Variants in DCDC2B observed in about 807,000 individuals in gnomAD.
The protein encoded by DCDC2B is doublecortin domain-containing protein 2B.
DCDC2B carries 41 observed loss-of-function variants against 38.9 expected under a neutral mutation model. The observed-to-expected ratio is 1.05, with a 90% CI of 0.82 to 1.37. The LOEUF is 1.37. DCDC2B is among the 40% of genes most tolerant of loss of function. The pLI is 0.00. For synonymous variants in DCDC2B, 181 were observed against 171.9 expected, an observed-to-expected ratio of 1.05 and a Z score of -0.41; for missense variants, 453 against 427.2, an observed-to-expected ratio of 1.06 and a Z score of -0.53.
At chr1:32,212,227 A>G (rs779652163) in intron 4 of DCDC2B, 26 bp downstream of exon 4, 6 of 1,604,962 alleles carry the variant, frequency 3.7e-6, no homozygotes, top group African/African-American at 1.3e-5. Flanking sequence ...GCGAGGGCCC[A>G]AAAGTCCCCA....
chr1:32,210,325 TAAAAAAAAAA>T (rs905848009), intron 1 of DCDC2B, among the ~76,000 whole-genome samples: 3 of 78,746 alleles, frequency 3.8e-5, no homozygotes, highest in Non-Finnish European at 7.6e-5. Context: ...AAACTCCATC[TAAAAAAAAAA>T]AAAAAAAAAA....
chr1:32,209,803 G>A (rs1643505318), intron 1 of DCDC2B, among the ~76,000 whole-genome samples: 1 of 152,162 alleles, frequency 6.6e-6, no homozygotes, highest in African/African-American at 2.4e-5. Context: ...CAGGGTGGGA[G>A]AAGAATTTGA....
At chr1:32,215,039 C>CA (rs1406621102) in intron 7 of DCDC2B, 107 bp downstream of exon 7, 56 of 1,346,698 alleles carry the variant, frequency 4.2e-5, no homozygotes, top group Non-Finnish European at 5.3e-5. Context: ...TGCTCAGACA[C>CA]AAAGCCGGCA....
intron 7 of DCDC2B, 199 bp downstream of exon 7, chr1:32,215,131 C>T: frequency 1.4e-6 from 1 of 721,788 alleles, no homozygotes; most frequent in Non-Finnish European, 2.2e-6. Context: ...AAAGCTGGTA[C>T]TGACCTCATC....
At position 32,214,948 on chromosome 1, in the gene DCDC2B, G is replaced by A; in HGVS notation, c.850+16G>A. 2.5e-6 allele frequency: 4 copies of A among 1,613,722 alleles called. No homozygotes were observed. Among genetic ancestry groups the A allele is most frequent in the South Asian group, 1.1e-5 (1 of 91,060 alleles). ...TTCCCATCAGGTGAGGGGTCCCTGG[G>A]GCTCAGGCCCTTCTCAGCTGCCCTT... On this transcript the variant is annotated intron_variant, in intron 7 of 8. Transcript: ENST00000409358.
At chr1:32,215,695 C>A in intron 8 of DCDC2B, 107 bp from the exon 9 acceptor site, 1 of 1,132,016 alleles carries the variant, frequency 8.8e-7, no homozygotes, top group Admixed American at 2.7e-5. Context: ...GGAAGCAGTT[C>A]CTAATTTCCA....
intron 6 of DCDC2B, chr1:32,214,493 T>G: frequency 2.8e-6 from 1 of 358,944 alleles, no homozygotes; most frequent in South Asian, 3.5e-5. Flanking sequence ...GGAACTTATA[T>G]TATCCAGCTC....
At chr1:32,212,414 C>T (rs1431147914) in intron 4 of DCDC2B, 76 bp from the exon 5 acceptor site, 3 of 1,583,980 alleles carry the variant, frequency 1.9e-6, no homozygotes, top group African/African-American at 1.3e-5. Flanking sequence ...AATAGCTGCA[C>T]CCACCCCTTC....
Position 32,215,809 on chromosome 1 carries a change from C to T in DCDC2B, c.962C>T (p.Ala321Val). Residue 321 changes from alanine (A) to valine (V), a missense_variant, in exon 9 of 9, where the codon GCA becomes GTA. Coordinates refer to ENST00000409358, the MANE Select transcript of DCDC2B (RefSeq NM_001099434.2). The part of the protein sequence containing the change: ...QTEEPLDQRA[A>V]QIVEEALSLE... ...GCCTTCCACCTCCTGCAGAGGGCAG[C>T]ACAGATAGTGGAAGAGGCCTTGTCC... 2 of 1,552,200 alleles carry T rather than the reference C, an allele frequency of 1.3e-6. No homozygotes were observed. The highest frequency in any genetic ancestry group is 1.7e-6 in the Non-Finnish European group (2 of 1,147,200).
chr1:32,213,379 C>T (rs1643666526), intron 6 of DCDC2B, among the ~76,000 whole-genome samples: 1 of 149,450 alleles, frequency 6.7e-6, no homozygotes. Flanking sequence ...TCTTGTTGCT[C>T]AGGCTGGAGT....
At position 32,212,150 on chromosome 1, in the gene DCDC2B, T is replaced by C. The variant is rs1300128248; in HGVS notation, c.476T>C (p.Val159Ala). Residue 159 changes from valine to alanine, a missense_variant, in exon 4 of 9, where the codon GTG becomes GCG. Coordinates refer to ENST00000409358, the MANE Select transcript of DCDC2B (RefSeq NM_001099434.2). ...SQAASQDWETVLKLLTEKVKL... is the reference protein window; with the variant it reads ...SQAASQDWETALKLLTEKVKL... ...GCTGCCAGCCAGGACTGGGAAACTG[T>C]GTTGAAGCTCCTGACTGAGAAGGTC... 1.2e-6 allele frequency: 2 copies of C among 1,613,722 alleles called. No homozygotes were observed. Among genetic ancestry groups the C allele is most frequent in the East Asian group, 2.2e-5 (1 of 44,870 alleles).
At position 32,212,489 on chromosome 1, in the gene DCDC2B, G is replaced by A; in HGVS notation, c.528-1G>A. On this transcript the variant is annotated splice_acceptor_variant, in intron 4 of 8. Coordinates refer to ENST00000409358, the MANE Select transcript of DCDC2B (RefSeq NM_001099434.2). LOFTEE classifies it high-confidence loss of function. ...TTATCCTCCTCACCTCTCTCTCCCAGACTCTGCACCCTAGAGGGGCTCCCA... is the reference window on the plus strand; with the variant it reads ...TTATCCTCCTCACCTCTCTCTCCCAAACTCTGCACCCTAGAGGGGCTCCCA... 1.2e-6 allele frequency: 2 copies of A among 1,613,908 alleles called. No homozygotes were observed. The highest frequency in any genetic ancestry group is 1.3e-5 in the African/African-American group (1 of 75,054).
chr1:32,212,830 G>A, intron 6 of DCDC2B, 37 bp downstream of exon 6: 2 of 1,609,608 alleles, frequency 1.2e-6, no homozygotes, highest in Non-Finnish European at 1.7e-6. Flanking sequence ...GTGGGAAGAA[G>A]GGGAGTGACT....
rs779284733 is a variant in DCDC2B, at chr1:32,214,869, T to C, written c.787T>C (p.Tyr263His). 1.9e-6 allele frequency: 3 copies of C among 1,613,858 alleles called. No individual in the cohort carries two copies. Among genetic ancestry groups the C allele is most frequent in the Non-Finnish European group, 1.7e-6 (2 of 1,179,882 alleles). ...EPDRIKPSAF[Y>H]ARPQQTIQPR... Reference sequence around the variant, plus strand: ...AGACCGAATTAAGCCATCTGCTTTCTATGCCAGACCCCAGCAGACCATTCA... The same window carrying C: ...AGACCGAATTAAGCCATCTGCTTTCCATGCCAGACCCCAGCAGACCATTCA... Residue 263 changes from tyrosine (Y) to histidine (H), a missense_variant, in exon 7 of 9, where the codon TAT (tyrosine) becomes CAT (histidine). Transcript: ENST00000409358.
rs1212475623 is a variant in DCDC2B, at chr1:32,211,774, C to T, written c.332C>T (p.Thr111Ile). Residue 111 changes from threonine to isoleucine, a missense_variant, in exon 3 of 9, where the codon ACT becomes ATT. Thr to Ile is a moderately conservative substitution (Grantham distance 89). Coordinates refer to ENST00000409358, the MANE Select transcript of DCDC2B (RefSeq NM_001099434.2). ...CATGGGTTTCAGGGTCCTCCCGTGA[C>T]TCGCCACTTGTGTGATGGGGCCATT... ...KSCRLQGPPVTRHLCDGAIGR... is the reference protein window; with the variant it reads ...KSCRLQGPPVIRHLCDGAIGR... 1.9e-6 allele frequency: 3 copies of T among 1,609,182 alleles called. No individual in the cohort carries two copies. In the South Asian group the frequency reaches 3.3e-5, roughly 18 times the overall value.
intron 3 of DCDC2B, 107 bp downstream of exon 3, chr1:32,211,944 G>GAA: frequency 6.5e-7 from 1 of 1,536,246 alleles, no homozygotes; most frequent in Non-Finnish European, 8.8e-7. Flanking sequence ...TGGGAATGTA[G>GAA]AAGTCCAGCA....
chr1:32,211,433 G>A (rs1017411961), intron 2 of DCDC2B, 110 bp downstream of exon 2: 19 of 1,132,578 alleles, frequency 1.7e-5, no homozygotes, highest in Non-Finnish European at 2.3e-5. Flanking sequence ...GCCAGTTCCA[G>A]GGGGGTACTT....
At position 32,211,272 on chromosome 1, in the gene DCDC2B, C is replaced by T. The variant is rs141330031; in HGVS notation, c.267C>T (p.His89=). ...AAGFERFHKL[H]YLPHRGKDPG... ...ACCTGTGATCTATCTGTCCTTTCAG[C>T]TATTTACCCCATAGAGGGAAGGACC... is the stretch of plus-strand genomic sequence containing the variant. The change falls in exon 2 of 9, where the codon CAC becomes CAT. Residue 89 remains histidine, a splice_region_variant and synonymous_variant. Coordinates refer to ENST00000409358, the MANE Select transcript of DCDC2B (RefSeq NM_001099434.2). The T allele has an allele frequency of 3.2e-4, 522 of 1,613,812 alleles. 2 individuals are homozygous for T. The African/African-American group carries it at 6.3e-3, about 19-fold the overall frequency.
Position 32,212,088 on chromosome 1 carries a change from C to A in DCDC2B, c.414C>A (p.Asp138Glu), listed in dbSNP as rs1411711690. 6.2e-7 allele frequency: 1 copy of A among 1,613,346 alleles called. No individual in the cohort carries two copies. Among genetic ancestry groups the A allele is most frequent in the African/African-American group, 1.3e-5 (1 of 74,904 alleles). Reference sequence around the variant, plus strand: ...GTCTCAGTGTGTTCAGGAATGGGGACCTGGTAAGTCCCCCATTTAGTCTGA... The same window carrying A: ...GTCTCAGTGTGTTCAGGAATGGGGAACTGGTAAGTCCCCCATTTAGTCTGA... ...PSYIHVFRNG[D>E]LVSPPFSLKL... The change falls in exon 4 of 9, where the codon GAC becomes GAA. Residue 138 changes from aspartate to glutamate, a missense_variant. Physicochemically the swap from Asp to Glu is conservative, Grantham distance 45. Transcript: ENST00000409358.
Sources: allele counts gnomAD v4.1 joint callset (sites outside exome capture counted in the v4.1 genomes callset), GRCh38; gene constraint gnomAD v4.1.1; transcripts MANE v1.5; gene names NCBI Gene and HGNC (gene_info 2026-07-23, HGNC 2026-07-21).